The following MAML3 variants were observed in gnomAD, a reference collection of about 807,000 sequenced individuals.
The protein encoded by MAML3 is mastermind like transcriptional coactivator 3, also known as mastermind-like protein 3.
In MAML3, 27 loss-of-function variants were observed where a neutral mutation model predicts 101.9. The observed-to-expected ratio is 0.27, with a 90% CI of 0.20 to 0.37. The LOEUF is 0.37. MAML3 is among the 10% of genes least tolerant of loss of function. The pLI, the probability that MAML3 is intolerant of heterozygous loss-of-function variation, is 1.00. For synonymous variants in MAML3, 501 were observed against 555.9 expected (o/e 0.90, Z 1.39); for missense variants, 1,316 against 1,444.9 (o/e 0.91, Z 1.45).
chr4:139,864,635 C>G (rs1731854204), intron 2 of MAML3, among the ~76,000 whole-genome samples: 1 of 135,010 alleles, frequency 7.4e-6, no homozygotes, highest in East Asian at 2.2e-4. Flanking sequence ...AAGATCGCGT[C>G]ACTGCCCTCC....
intron 1 of MAML3, among the ~76,000 whole-genome samples, chr4:139,947,065 CA>C (rs1195044663): frequency 6.6e-6 from 1 of 152,080 alleles, no homozygotes; most frequent in Non-Finnish European, 1.5e-5. Context: ...ACAACCTTTC[CA>C]ATTGTTGTTT....
chr4:139,974,757 A>G (rs1734298941), intron 1 of MAML3, among the ~76,000 whole-genome samples: 1 of 152,182 alleles, frequency 6.6e-6, no homozygotes, highest in Admixed American at 6.5e-5. Context: ...TATTGTATTT[A>G]TTGATAAATA....
chr4:140,007,173 A>G (rs1726466702), intron 1 of MAML3, among the ~76,000 whole-genome samples: 1 of 152,230 alleles, frequency 6.6e-6, no homozygotes, highest in African/African-American at 2.4e-5. Flanking sequence ...ATAAATTTCC[A>G]CTGAAGAGAA....
chr4:140,133,524 C>G (rs556712915), intron 1 of MAML3, among the ~76,000 whole-genome samples: 1 of 151,984 alleles, frequency 6.6e-6, no homozygotes, highest in Non-Finnish European at 1.5e-5. Flanking sequence ...AACGAAGCAC[C>G]CTAAAATTCA....
At chr4:139,839,269 T>C (rs1044665858) in intron 2 of MAML3, among the ~76,000 whole-genome samples, 1 of 152,002 alleles carries the variant, frequency 6.6e-6, no homozygotes, top group East Asian at 1.9e-4. Flanking sequence ...GCATCAAAAG[T>C]CCATTGCTGT....
In MAML3 at chr4:140,104,499, G is replaced by T. The variant is rs1373229265; in HGVS notation, c.468+48361C>A. On this transcript the variant is annotated intron_variant, in intron 1 of 4. Transcript: ENST00000509479. ...ATTTTTTTTTTTTTTTTGAGAGAAGGTCTTGCTCTGTGGCTCAGGCTGGAG... is the reference window on the plus strand; with the variant it reads ...ATTTTTTTTTTTTTTTTGAGAGAAGTTCTTGCTCTGTGGCTCAGGCTGGAG... Among the ~76,000 whole-genome samples the T allele has an allele frequency of 6.8e-5, 8 of 118,298 alleles. No individual in the cohort carries two copies. The East Asian group carries it at 1.3e-3, about 19-fold the overall frequency. The allele number at this position is 118,298 out of a possible 152,430, so 77.6% of individuals were successfully genotyped here.
chr4:139,772,176 T>C (rs1458698516), intron 2 of MAML3, among the ~76,000 whole-genome samples: 15 of 134,642 alleles, frequency 1.1e-4, no homozygotes, highest in Non-Finnish European at 1.9e-4. Flanking sequence ...GGAGGCGCAG[T>C]TTGCAGTGAG....
chr4:139,755,475 G>C (rs1193248645), intron 2 of MAML3, among the ~76,000 whole-genome samples: 1 of 152,188 alleles, frequency 6.6e-6, no homozygotes, highest in East Asian at 1.9e-4. Context: ...GGGTGTGGTG[G>C]TGGGCGCCTG....
chr4:139,976,844 G>A (rs1734348560), intron 1 of MAML3, among the ~76,000 whole-genome samples: 2 of 151,676 alleles, frequency 1.3e-5, no homozygotes, highest in African/African-American at 4.8e-5. Flanking sequence ...TTCCCTCCAG[G>A]GCACATCTGG....
intron 2 of MAML3, among the ~76,000 whole-genome samples, chr4:139,868,309 A>G (rs1315269813): frequency 2.0e-5 from 3 of 152,218 alleles, no homozygotes; most frequent in Admixed American, 6.5e-5. Flanking sequence ...TACTGTTGAT[A>G]TTGGATATAT....
intron 2 of MAML3, among the ~76,000 whole-genome samples, chr4:139,857,026 T>C (rs959176937): frequency 1.2e-4 from 18 of 152,178 alleles, no homozygotes; most frequent in African/African-American, 3.1e-4. Context: ...TTAATTAGCA[T>C]AGGCATAATG....
intron 2 of MAML3, among the ~76,000 whole-genome samples, chr4:139,747,588 G>T (rs1487817055): frequency 1.3e-5 from 2 of 152,090 alleles, no homozygotes. Context: ...CAGCTACTTG[G>T]GAGGCTGAGG....
chr4:139,722,387 A>G (rs1198082967), intron 4 of MAML3, among the ~76,000 whole-genome samples: 2 of 152,216 alleles, frequency 1.3e-5, no homozygotes, highest in Non-Finnish European at 2.9e-5. Context: ...TACAAAGGAA[A>G]AAAATTCAGA....
At chr4:139,864,023 C>T (rs1272913474) in intron 2 of MAML3, among the ~76,000 whole-genome samples, 1 of 152,094 alleles carries the variant, frequency 6.6e-6, no homozygotes, top group Non-Finnish European at 1.5e-5. Flanking sequence ...GTGACAAATA[C>T]AGGACCAAAG....
intron 2 of MAML3, among the ~76,000 whole-genome samples, chr4:139,882,403 G>A (rs1020511821): frequency 1.3e-5 from 2 of 151,158 alleles, no homozygotes; most frequent in African/African-American, 2.4e-5. Context: ...GAAATTTCAG[G>A]GTAAAGAATA....
At chr4:139,748,765 C>A (rs1729403517) in intron 2 of MAML3, among the ~76,000 whole-genome samples, 1 of 116,266 alleles carries the variant, frequency 8.6e-6, no homozygotes, top group Non-Finnish European at 1.8e-5. Flanking sequence ...CAATTTCAAG[C>A]TCCGAGGTTT....
At chr4:139,758,206 TTTTAAAA>T in intron 2 of MAML3, among the ~76,000 whole-genome samples, 1 of 152,154 alleles carries the variant, frequency 6.6e-6, no homozygotes, top group African/African-American at 2.4e-5. Flanking sequence ...TCAGGACAAC[TTTTAAAA>T]TTTGATTTGG....
intron 1 of MAML3, among the ~76,000 whole-genome samples, chr4:140,062,572 C>T (rs1238844068): frequency 1.3e-5 from 2 of 152,218 alleles, no homozygotes; most frequent in African/African-American, 4.8e-5. Flanking sequence ...TTTCCTACTA[C>T]TTGCTATTAT....
intron 2 of MAML3, among the ~76,000 whole-genome samples, chr4:139,734,882 A>C (rs1728871756): frequency 6.6e-6 from 1 of 152,238 alleles, no homozygotes; most frequent in African/African-American, 2.4e-5. Context: ...GACCCCGTGG[A>C]TAACGGGCTT....
Sources: allele counts gnomAD v4.1 joint callset (sites outside exome capture counted in the v4.1 genomes callset), GRCh38; gene constraint gnomAD v4.1.1; transcripts MANE v1.5; gene names NCBI Gene and HGNC (gene_info 2026-07-23, HGNC 2026-07-21).